KMT2C: variants seen among roughly 807,000 people sequenced by gnomAD.
KMT2C encodes lysine methyltransferase 2C, also known as histone-lysine N-methyltransferase 2C.
Under a neutral mutation model 507.9 loss-of-function variants are expected in KMT2C, and 88 were observed. That is an observed-to-expected ratio of 0.17 (90% CI 0.15 to 0.21). The LOEUF (loss-of-function observed/expected upper bound fraction) is 0.21, where lower values mean the gene tolerates loss of function less well. Ranked by LOEUF, KMT2C falls within the 10% of genes least tolerant of loss-of-function variation. The probability of loss-of-function intolerance (pLI) is 1.00; values close to 1 mark genes in which losing one functional copy is unlikely to be tolerated. For synonymous variants in KMT2C, 2,049 were observed against 2,080.8 expected, an observed-to-expected ratio of 0.98 and a Z score of 0.42; for missense variants, 4,954 against 5,957.8, an observed-to-expected ratio of 0.83 and a Z score of 5.55.
intron 1 of KMT2C, among the ~76,000 whole-genome samples, chr7:152,432,191 G>A (rs1195204371): frequency 6.6e-6 from 1 of 152,190 alleles, no homozygotes; most frequent in Non-Finnish European, 1.5e-5. Context: ...CCTACCACCT[G>A]CTGCTTCTGT....
intron 2 of KMT2C, among the ~76,000 whole-genome samples, chr7:152,357,993 A>G (rs2097166323): frequency 6.6e-6 from 1 of 152,210 alleles, no homozygotes; most frequent in Admixed American, 6.5e-5. Flanking sequence ...TATCTCCTAC[A>G]GGTATCCTCT....
At chr7:152,332,026 C>T (rs954127394) in intron 2 of KMT2C, among the ~76,000 whole-genome samples, 1 of 152,084 alleles carries the variant, frequency 6.6e-6, no homozygotes, top group African/African-American at 2.4e-5. Flanking sequence ...TTAAAAATTG[C>T]TTCACACTTT....
chr7:152,374,211 G>T (rs2097311424), intron 1 of KMT2C, among the ~76,000 whole-genome samples: 1 of 151,934 alleles, frequency 6.6e-6, no homozygotes, highest in Admixed American at 6.6e-5. Flanking sequence ...AGCTACTCAG[G>T]AGGCTGAGGC....
At chr7:152,219,634 T>G (rs1424112712) in intron 23 of KMT2C, among the ~76,000 whole-genome samples, 1 of 151,578 alleles carries the variant, frequency 6.6e-6, no homozygotes, top group Non-Finnish European at 1.5e-5. Context: ...CAAATAATTA[T>G]CACTTCATTT....
intron 23 of KMT2C, among the ~76,000 whole-genome samples, chr7:152,219,090 C>T (rs2094681412): frequency 6.6e-6 from 1 of 151,986 alleles, no homozygotes; most frequent in South Asian, 2.1e-4. Context: ...CTGCCTTGGC[C>T]TCCCGAGTAG....
chr7:152,386,586 T>C (rs918899389), intron 1 of KMT2C, among the ~76,000 whole-genome samples: 4 of 152,422 alleles, frequency 2.6e-5, no homozygotes, highest in African/African-American at 9.6e-5. Flanking sequence ...TCCCAGGCCT[T>C]GTCCCCAAAC....
chr7:152,187,206 A>T (rs2129124384), intron 33 of KMT2C, 56 bp downstream of exon 33: 8 of 1,339,136 alleles, frequency 6.0e-6, no homozygotes, highest in South Asian at 1.3e-5. Context: ...AAAAAAAAAA[A>T]GGTATTGCAC....
chr7:152,381,478 A>G (rs1047170556), intron 1 of KMT2C, among the ~76,000 whole-genome samples: 2 of 152,228 alleles, frequency 1.3e-5, no homozygotes, highest in Non-Finnish European at 2.9e-5. Context: ...CAAAATGTCA[A>G]CAGTGCCAAA....
chr7:152,406,179 C>T (rs1356256816), intron 1 of KMT2C, among the ~76,000 whole-genome samples: 1 of 152,296 alleles, frequency 6.6e-6, no homozygotes, highest in African/African-American at 2.4e-5. Context: ...GTGCAGCTGG[C>T]GTATGCCTAT....
intron 2 of KMT2C, among the ~76,000 whole-genome samples, chr7:152,342,595 G>A (rs2097006897): frequency 6.6e-6 from 1 of 152,100 alleles, no homozygotes; most frequent in Non-Finnish European, 1.5e-5. Context: ...GAAACCCATG[G>A]GTAAAAAGCT....
chr7:152,136,564 AAAG>A lies in KMT2C; in HGVS notation c.*265_*267del. 2 of 374,994 alleles carry A rather than the reference AAAG, an allele frequency of 5.3e-6. No individual in the cohort carries two copies. Among genetic ancestry groups the A allele is most frequent in the East Asian group, 4.1e-5 (1 of 24,262 alleles). 23.2% of individuals were successfully genotyped at this position (374,994 alleles called of 1,614,324 possible). ...ACAAAACAAAAAACAAACAAAAAAA[AAAG>A]AAAAGGAAAAGAAAAAAAAGCAAAA... is the stretch of plus-strand genomic sequence containing the variant. On this transcript the variant is annotated 3_prime_UTR_variant, in exon 59 of 59. Transcript: ENST00000262189.
At chr7:152,251,117 ATATT>A in intron 11 of KMT2C, 151 bp from the exon 12 acceptor site, 1 of 591,218 alleles carries the variant, frequency 1.7e-6, no homozygotes, top group South Asian at 2.1e-5. Context: ...AACCACATGT[ATATT>A]TACATTTTTA....
intron 23 of KMT2C, among the ~76,000 whole-genome samples, chr7:152,209,954 T>TAC (rs1195532732): frequency 2.6e-5 from 4 of 152,152 alleles, no homozygotes; most frequent in African/African-American, 4.8e-5. Context: ...TCATACTCCC[T>TAC]ACATCTGCTT....
rs2093422989 is a variant in KMT2C at position 152,181,155 on chromosome 7, C to T, written c.6705G>A (p.Arg2235=). 1.9e-6 allele frequency: 3 copies of T among 1,613,946 alleles called. No homozygotes were observed. Among genetic ancestry groups the T allele is most frequent in the African/African-American group, 1.3e-5 (1 of 74,878 alleles). Residue 2235 remains arginine (R), a synonymous_variant, in exon 36 of 59, where the codon AGG becomes AGA. Transcript: ENST00000262189. ...TGAGGACTGGTCTTGTCATTGAGGA[C>T]CTAGTAAAACCCTCTGAAATCCTTG... The part of the protein sequence containing the change: ...PRPRISEGFT[R]SSMTRPVLMP...
intron 44 of KMT2C, among the ~76,000 whole-genome samples, chr7:152,156,717 C>A (rs764844510): frequency 9.2e-5 from 14 of 152,236 alleles, no homozygotes; most frequent in Non-Finnish European, 1.6e-4. Context: ...TCAAAATATC[C>A]TTTAAGTTCT....
At chr7:152,423,785 A>T (rs2097793642) in intron 1 of KMT2C, among the ~76,000 whole-genome samples, 1 of 152,212 alleles carries the variant, frequency 6.6e-6, no homozygotes, top group Non-Finnish European at 1.5e-5. Flanking sequence ...CCAGAAATAG[A>T]AATCAGTTCT....
In KMT2C at chr7:152,177,274, C is replaced by T. The variant is rs2129114530; in HGVS notation, c.8179G>A (p.Gly2727Ser). 1 of 1,613,930 alleles carries T rather than the reference C, an allele frequency of 6.2e-7. No individual in the cohort carries two copies. The highest frequency in any genetic ancestry group is 8.5e-7 in the Non-Finnish European group (1 of 1,180,024). The change falls in exon 38 of 59, where the codon GGC becomes AGC. Residue 2727 changes from glycine (G) to serine (S), a missense_variant. Around this residue, in one of 29 missense-constraint regions of KMT2C, gnomAD observed 1,689 missense variants for 1,654.3 expected, o/e 1.02. Coordinates refer to ENST00000262189, the MANE Select transcript of KMT2C (RefSeq NM_170606.3). ...AAAGTATCCAATTCAACTACCTTGC[C>T]ATCCTCTGTATCTAAATTTAAGTTT... is the stretch of plus-strand genomic sequence containing the variant. Reference protein sequence around the residue: ...LENLNLDTEDGKVVELDTLDN... With the variant: ...LENLNLDTEDSKVVELDTLDN...
intron 2 of KMT2C, among the ~76,000 whole-genome samples, chr7:152,343,025 C>G (rs2097013262): frequency 6.6e-6 from 1 of 152,058 alleles, no homozygotes; most frequent in African/African-American, 2.4e-5. Context: ...CAAGGCCCAC[C>G]ACATTACTAC....
At chr7:152,174,314 T>G in intron 38 of KMT2C, 72 bp from the exon 39 acceptor site, 1 of 701,288 alleles carries the variant, frequency 1.4e-6, no homozygotes, top group Admixed American at 3.0e-5. Flanking sequence ...AATTCAAATA[T>G]TACAAGCTCT....
Sources: allele counts gnomAD v4.1 joint callset (sites outside exome capture counted in the v4.1 genomes callset), GRCh38; gene constraint gnomAD v4.1.1; regional missense constraint gnomAD v4.1.1; transcripts MANE v1.5; gene names NCBI Gene and HGNC (gene_info 2026-07-23, HGNC 2026-07-21).